The following INTS10 variants were observed in gnomAD, a reference collection of about 807,000 sequenced individuals.
INTS10 encodes integrator complex subunit 10.
A neutral mutation model predicts 94.4 loss-of-function variants in INTS10; 44 were observed. The observed-to-expected ratio is 0.47, with a 90% confidence interval of 0.37 to 0.60. INTS10 has a LOEUF of 0.60. Among genes scored for constraint, INTS10 ranks in the 20% least tolerant of loss-of-function variants. INTS10 has a pLI of 0.00. For synonymous variants in INTS10, 341 were observed against 320.7 expected, an observed-to-expected ratio of 1.06 and a Z score of -0.68; for missense variants, 797 against 868.7, an observed-to-expected ratio of 0.92 and a Z score of 1.04.
chr8:19,841,833 G>C (rs2068154564), intron 13 of INTS10: 1 of 455,906 alleles, frequency 2.2e-6, no homozygotes, highest in Admixed American at 2.4e-5. Flanking sequence ...ACAGGGTCAT[G>C]AGTTTCAACC....
intron 12 of INTS10, among the ~76,000 whole-genome samples, chr8:19,834,935 C>T (rs1380322985): frequency 2.0e-5 from 3 of 152,078 alleles, no homozygotes; most frequent in African/African-American, 2.4e-5. Context: ...TGTAGAGTCG[C>T]TCTGATAAGG....
chr8:19,817,569 T>G lies in INTS10; in HGVS notation c.32T>G (p.Val11Gly), dbSNP rs1257702074. The change falls in exon 1 of 17, where the codon GTG becomes GGG. Residue 11 changes from valine to glycine, a missense_variant. Physicochemically the swap from Val to Gly is moderately radical, Grantham distance 109 (BLOSUM62 -3). Around this residue, in one of 3 missense-constraint regions of INTS10, gnomAD observed 734 missense variants for 787.8 expected, o/e 0.93. Coordinates refer to ENST00000397977, the MANE Select transcript of INTS10 (RefSeq NM_018142.4). ...GCCCAGGGGGACTGCGAGTTCCTGGTGCAGCGAGCCCGGGAGTTGGTGCCG... is the reference window on the plus strand; with the variant it reads ...GCCCAGGGGGACTGCGAGTTCCTGGGGCAGCGAGCCCGGGAGTTGGTGCCG... Reference protein sequence around the residue: MSAQGDCEFLVQRARELVPQD... With the variant: MSAQGDCEFLGQRARELVPQD... The G allele has an allele frequency of 1.2e-6, 2 of 1,608,886 alleles. No homozygotes were observed. The highest frequency in any genetic ancestry group is 1.7e-6 in the Non-Finnish European group (2 of 1,178,432).
intron 15 of INTS10, 143 bp from the exon 16 acceptor site, chr8:19,845,561 C>T: frequency 1.6e-6 from 1 of 642,778 alleles, no homozygotes. Context: ...ACTGCCAAGA[C>T]CCCATTTCCT....
In INTS10 at chr8:19,817,447, G is replaced by A. The variant is rs1373600630; in HGVS notation, c.-91G>A. On this transcript the variant is annotated 5_prime_UTR_variant, in exon 1 of 17. Coordinates refer to ENST00000397977, the MANE Select transcript of INTS10 (RefSeq NM_018142.4). The stretch of plus-strand genomic sequence containing the variant: ...GCGCAGTAGCCTCCCCCGCGGTGGC[G>A]GCGGCGGCGGCGGTGGCTGCCGTGG... The A allele has an allele frequency of 1.3e-6, 2 of 1,508,376 alleles. No homozygotes were observed. Among genetic ancestry groups the A allele is most frequent in the Non-Finnish European group, 1.8e-6 (2 of 1,128,074 alleles). 93.4% of individuals were successfully genotyped at this position (1,508,376 alleles called of 1,614,324 possible).
At chr8:19,848,828 A>C in intron 16 of INTS10, 1 of 162,696 alleles carries the variant, frequency 6.1e-6, no homozygotes, top group East Asian at 1.8e-4. Flanking sequence ...GTGTCTTCTC[A>C]AAGGCTGCCC....
At chr8:19,823,827 G>GT in intron 6 of INTS10, 46 bp from the exon 7 acceptor site, 4 of 1,457,888 alleles carry the variant, frequency 2.7e-6, no homozygotes, top group Non-Finnish European at 3.7e-6. Context: ...CATGTCAACA[G>GT]TAAGTCATAA....
In INTS10 at chr8:19,849,918, G is replaced by C. The variant is rs2068882777; in HGVS notation, c.1977-1731G>C. 6.6e-6 allele frequency among the ~76,000 whole-genome samples: 1 copy of C among 152,072 alleles called. No homozygotes were observed. The highest frequency in any genetic ancestry group is 1.5e-5 in the Non-Finnish European group (1 of 68,026). On this transcript the variant is annotated intron_variant, in intron 16 of 16. Coordinates refer to ENST00000397977, the MANE Select transcript of INTS10 (RefSeq NM_018142.4). This position sits in a 1 kb window ranked among gnomAD's most constrained non-coding sequence, Gnocchi z 4.6. ...ATGGAGATAATACAAATTGGACCCT[G>C]ATCTGCAGGATGTAGCATTTAGTTA...
chr8:19,829,252 C>A (rs1244490136), intron 9 of INTS10, among the ~76,000 whole-genome samples: 1 of 152,136 alleles, frequency 6.6e-6, no homozygotes, highest in Non-Finnish European at 1.5e-5. Flanking sequence ...GAGTAAAGAT[C>A]TGCAGGAAGA....
Position 19,817,477 on chromosome 8 carries a change from T to C in INTS10, c.-61T>C, listed in dbSNP as rs1044374438. 2 of 1,560,030 alleles carry C rather than the reference T, an allele frequency of 1.3e-6. No individual in the cohort carries two copies. Among genetic ancestry groups the C allele is most frequent in the Non-Finnish European group, 8.7e-7 (1 of 1,155,714 alleles). ...CGGCGGCGGTGGCTGCCGTGGCGGC[T>C]GAGAGTCCAGAGCCGGACGTTCCGG... On this transcript the variant is annotated 5_prime_UTR_variant, in exon 1 of 17. The change abolishes the stop of an existing upstream ORF in the 5' untranslated region. Transcript: ENST00000397977.
chr8:19,832,359 C>T (rs1004747688), intron 11 of INTS10, among the ~76,000 whole-genome samples: 1 of 152,056 alleles, frequency 6.6e-6, no homozygotes, highest in Non-Finnish European at 1.5e-5. Flanking sequence ...ATTGCTTGAG[C>T]CCAGGAGTTC....
chr8:19,848,944 G>A (rs1412537077), intron 16 of INTS10: 3 of 219,504 alleles, frequency 1.4e-5, no homozygotes, highest in South Asian at 4.7e-5. Flanking sequence ...GAACTGAGAC[G>A]CCTCTGGACA....
At chr8:19,830,371 C>A in intron 9 of INTS10, 35 bp from the exon 10 acceptor site, 1 of 1,577,790 alleles carries the variant, frequency 6.3e-7, no homozygotes. Flanking sequence ...ATATTTATAA[C>A]TGAATTAACC....
chr8:19,845,127 A>C (rs538088805), intron 15 of INTS10, among the ~76,000 whole-genome samples: 1 of 152,256 alleles, frequency 6.6e-6, no homozygotes, highest in South Asian at 2.1e-4. Context: ...AAAGTTACAT[A>C]ATTTTTCACT....
intron 9 of INTS10, among the ~76,000 whole-genome samples, chr8:19,829,141 TATC>T (rs1001343880): frequency 2.6e-5 from 4 of 152,274 alleles, no homozygotes; most frequent in African/African-American, 7.2e-5. Flanking sequence ...GGTTTTCTTT[TATC>T]ATTATTATAC....
chr8:19,833,798 A>G (rs2067432944), intron 12 of INTS10, among the ~76,000 whole-genome samples: 1 of 152,108 alleles, frequency 6.6e-6, no homozygotes, highest in Non-Finnish European at 1.5e-5. Flanking sequence ...ACCTGAGGTC[A>G]GGAGTTTAAG....
In INTS10 at chr8:19,849,173, C is replaced by G; in HGVS notation, c.1977-2476C>G. 1 of 1,289,396 alleles carries G rather than the reference C, an allele frequency of 7.8e-7. No homozygotes were observed. Among genetic ancestry groups the G allele is most frequent in the Non-Finnish European group, 1.0e-6 (1 of 988,516 alleles). 79.9% of individuals were successfully genotyped at this position (1,289,396 alleles called of 1,614,324 possible). A position where few individuals can be genotyped will look rare whatever the true frequency, so the allele number is the denominator to read the frequency against. ...GCTGTTTTTTAAAGGCCTTCTAGCC[C>G]TCCCATGGGGTTACTGCAGCAGGAA... On this transcript the variant is annotated intron_variant, in intron 16 of 16. Transcript: ENST00000397977. The surrounding 1 kb of genome is among the most constrained non-coding windows in gnomAD (Gnocchi z 4.6).
intron 13 of INTS10, among the ~76,000 whole-genome samples, chr8:19,841,003 G>A (rs2068084577): frequency 6.6e-6 from 1 of 152,270 alleles, no homozygotes; most frequent in African/African-American, 2.4e-5. Flanking sequence ...GACTGACCTA[G>A]CTGACTTCAA....
chr8:19,818,061 C>G (rs1410703989), intron 1 of INTS10: 1 of 603,358 alleles, frequency 1.7e-6, no homozygotes, highest in Non-Finnish European at 3.0e-6. Context: ...GAAATATTAT[C>G]CTACTTAATC....
At position 19,843,348 on chromosome 8, in the gene INTS10, G is replaced by C. The variant is rs2068293909; in HGVS notation, c.1719+421G>C. ...GATCAACACCAGTAACAGCCCAACA[G>C]TTGGGAAAGTTCCGGGACTTGAAAG... On this transcript the variant is annotated intron_variant, in intron 14 of 16. Transcript: ENST00000397977. The surrounding 1 kb of genome is among the most constrained non-coding windows in gnomAD (Gnocchi z 4.7). 6.6e-6 allele frequency among the ~76,000 whole-genome samples: 1 copy of C among 152,300 alleles called. No homozygotes were observed. The highest frequency in any genetic ancestry group is 6.5e-5 in the Admixed American group (1 of 15,296).
Sources: allele counts gnomAD v4.1 joint callset (sites outside exome capture counted in the v4.1 genomes callset), GRCh38; gene constraint gnomAD v4.1.1; regional missense constraint gnomAD v4.1.1; non-coding constraint Gnocchi (gnomAD v3.1); transcripts MANE v1.5; gene names NCBI Gene and HGNC (gene_info 2026-07-23, HGNC 2026-07-21).